The following PMPCA variants were observed in gnomAD, a reference collection of about 807,000 sequenced individuals.
The protein encoded by PMPCA is mitochondrial-processing peptidase subunit alpha.
In PMPCA, 47 loss-of-function variants were observed where a neutral mutation model predicts 59.3. That is an observed-to-expected ratio of 0.79 (90% confidence interval 0.63 to 1.01). The LOEUF is 1.01. PMPCA is among the 50% of genes least tolerant of loss of function. The pLI is 0.00. For missense variants in PMPCA, 726 were observed against 704.5 expected (o/e 1.03, Z -0.34); for synonymous variants, 338 against 290.3 (o/e 1.16, Z -1.67).
intron 12 of PMPCA, 195 bp downstream of exon 12, chr9:136,422,171 G>T: frequency 6.6e-7 from 1 of 1,525,642 alleles, no homozygotes. Flanking sequence ...CTCACTTCCC[G>T]GCCCCACCAT....
At chr9:136,418,786 T>C in intron 9 of PMPCA, 42 bp from the exon 10 acceptor site, 3 of 1,544,094 alleles carry the variant, frequency 1.9e-6, no homozygotes, top group Admixed American at 1.7e-5. Flanking sequence ...GGCCTGATCC[T>C]GGCGAGTCCC....
chr9:136,421,997 G>A, intron 12 of PMPCA, 21 bp downstream of exon 12: 1 of 1,596,384 alleles, frequency 6.3e-7, no homozygotes, highest in Non-Finnish European at 8.5e-7. Context: ...CAGGGGTAGT[G>A]AGGGGCTGCC....
At chr9:136,418,137 G>T (rs751800348) in intron 8 of PMPCA, 28 bp downstream of exon 8, 1 of 1,496,456 alleles carries the variant, frequency 6.7e-7, no homozygotes, top group South Asian at 1.1e-5. Flanking sequence ...GTCTGATGGC[G>T]TTCCTGATGC....
At position 136,418,678 on chromosome 9, in the gene PMPCA, G is replaced by A; in HGVS notation, c.1109+5G>A. Reference sequence around the variant, plus strand: ...CTACCTCAACGTGCTCAACAGGTGGGTTGCACTCTTTTCTGTATCCTCAGG... The same window carrying A: ...CTACCTCAACGTGCTCAACAGGTGGATTGCACTCTTTTCTGTATCCTCAGG... On this transcript the variant is annotated splice_donor_5th_base_variant and intron_variant, in intron 9 of 12. Transcript: ENST00000371717. The A allele has an allele frequency of 6.3e-7, 1 of 1,594,584 alleles. No individual in the cohort carries two copies. Among genetic ancestry groups the A allele is most frequent in the South Asian group, 1.1e-5 (1 of 90,698 alleles).
intron 1 of PMPCA, chr9:136,411,186 C>T (rs1237671628): frequency 1.3e-5 from 2 of 159,752 alleles, no homozygotes; most frequent in African/African-American, 4.8e-5. Context: ...CTCCTCCCAC[C>T]CAAGTGACCG....
At position 136,411,980 on chromosome 9, in the gene PMPCA, C is replaced by G. The variant is rs376933278; in HGVS notation, c.72-17C>G. The G allele has an allele frequency of 2.6e-6, 4 of 1,541,966 alleles. No individual in the cohort carries two copies. Among genetic ancestry groups the G allele is most frequent in the Non-Finnish European group, 3.6e-6 (4 of 1,117,948 alleles). ...TGTCTCAAGCCTGTTGTAACTGGGC[C>G]GCTTTCTCTGTTTTAGGTTTGGACC... On this transcript the variant is annotated splice_polypyrimidine_tract_variant and intron_variant, in intron 1 of 12. Coordinates refer to ENST00000371717, the MANE Select transcript of PMPCA (RefSeq NM_015160.3).
Position 136,421,411 on chromosome 9 carries a change from T to TGTTTTTTTG in PMPCA, c.1264-421_1264-420insGTTTTTTTG, listed in dbSNP as rs758038842. Among the ~76,000 whole-genome samples, 301 of 72,884 alleles carry TGTTTTTTTG rather than the reference T, an allele frequency of 4.1e-3. 2 individuals carry two copies. The highest frequency in any genetic ancestry group is 0.015 in the African/African-American group (261 of 17,698). The allele number at this position is 72,884 out of a possible 152,430, so 47.8% of individuals were successfully genotyped here. ...ACTTGGGCCTGGGTTCCCGTTTTTT[T>TGTTTTTTTG]TTTTTTTTTTTTTTTTGAGACAGAG... On this transcript the variant is annotated intron_variant, in intron 11 of 12. Transcript: ENST00000371717.
At chr9:136,414,160 C>T (rs113990448) in intron 4 of PMPCA, among the ~76,000 whole-genome samples, 82 of 152,334 alleles carry the variant, frequency 5.4e-4, no homozygotes, top group African/African-American at 1.9e-3. Context: ...GGATGAAACA[C>T]TTCACCTTTT....
At chr9:136,411,889 C>G in intron 1 of PMPCA, 108 bp from the exon 2 acceptor site, 2 of 709,362 alleles carry the variant, frequency 2.8e-6, no homozygotes, top group Non-Finnish European at 5.2e-6. Flanking sequence ...TGTAGAAAGG[C>G]AGATGCTCAC....
rs1835221772 is a variant in PMPCA at position 136,414,574 on chromosome 9, G to T, written c.459G>T (p.Val153=). The change falls in exon 5 of 13, where the codon GTG becomes GTT. Residue 153 remains valine, a synonymous_variant. Transcript: ENST00000371717. The stretch of plus-strand genomic sequence containing the variant: ...CCAGAGACACCACCATGTATGCTGT[G>T]TCTGCTGATAGCAAAGGCTTGGACA... ...QTSRDTTMYA[V]SADSKGLDTV... is the part of the protein sequence containing the mutation. The T allele has an allele frequency of 6.2e-7, 1 of 1,612,328 alleles. No homozygotes were observed. Among genetic ancestry groups the T allele is most frequent in the Admixed American group, 1.7e-5 (1 of 59,992 alleles).
chr9:136,410,847 T>G, intron 1 of PMPCA, 108 bp downstream of exon 1: 1 of 978,996 alleles, frequency 1.0e-6, no homozygotes, highest in Non-Finnish European at 1.4e-6. Context: ...TGGGACGGGC[T>G]CGCACTTCGG....
At chr9:136,419,384 G>GCC in intron 11 of PMPCA, 2 of 548,836 alleles carry the variant, frequency 3.6e-6, no homozygotes, top group Non-Finnish European at 6.6e-6. Flanking sequence ...CTTTCTCTGA[G>GCC]CCACTGGGTG....
intron 1 of PMPCA, 91 bp from the exon 2 acceptor site, chr9:136,411,906 C>G: frequency 2.6e-6 from 2 of 769,758 alleles, no homozygotes; most frequent in South Asian, 2.9e-5. Flanking sequence ...TCACTTTTAA[C>G]CCAGACAAAA....
intron 3 of PMPCA, 97 bp downstream of exon 3, chr9:136,412,666 G>C (rs1275784695): frequency 2.5e-6 from 2 of 788,642 alleles, no homozygotes; most frequent in African/African-American, 3.5e-5. Context: ...TTATCAAGTT[G>C]CTAAGTTAAT....
rs751576922 is a variant in PMPCA at position 136,410,707 on chromosome 9, G to C, written c.39G>C (p.Arg13=). Residue 13 remains arginine, a synonymous_variant, in exon 1 of 13, where the codon CGG becomes CGC. Coordinates refer to ENST00000371717, the MANE Select transcript of PMPCA (RefSeq NM_015160.3). ...TGCTGGCGGCGACGCGGTTGCTGCGGGGCTCGGGTTCTTGGGGCTGTTCGC... is the reference window on the plus strand; with the variant it reads ...TGCTGGCGGCGACGCGGTTGCTGCGCGGCTCGGGTTCTTGGGGCTGTTCGC... ...AVVLAATRLL[R]GSGSWGCSRL... The C allele has an allele frequency of 7.0e-7, 1 of 1,422,582 alleles. No homozygotes were observed. The highest frequency in any genetic ancestry group is 9.2e-7 in the Non-Finnish European group (1 of 1,091,254). 88.1% of individuals were successfully genotyped at this position (1,422,582 alleles called of 1,614,324 possible). A position where few individuals can be genotyped will look rare whatever the true frequency, so the allele number is the denominator to read the frequency against.
rs1278719817 is a variant in PMPCA at position 136,423,014 on chromosome 9, C to T, written c.1409-81C>T. 9.3e-6 allele frequency: 14 copies of T among 1,504,498 alleles called. No homozygotes were observed. The Admixed American group carries it at 1.6e-4, about 17-fold the overall frequency. 93.2% of individuals were successfully genotyped at this position (1,504,498 alleles called of 1,614,324 possible). A position where few individuals can be genotyped will look rare whatever the true frequency, so the allele number is the denominator to read the frequency against. On this transcript the variant is annotated intron_variant, in intron 12 of 12. Transcript: ENST00000371717. ...TGAGTGAGTGGTACAGACCAGCCGC[C>T]CCCTCCGTGTGTTTACTGATGCAGC...
chr9:136,414,146 G>C (rs1389248563), intron 4 of PMPCA, among the ~76,000 whole-genome samples: 1 of 152,222 alleles, frequency 6.6e-6, no homozygotes, highest in African/African-American at 2.4e-5. Context: ...TCAACAGGAG[G>C]CTGGGATGAA....
At chr9:136,422,189 C>G in intron 12 of PMPCA, 4 of 1,510,324 alleles carry the variant, frequency 2.6e-6, no homozygotes, top group Non-Finnish European at 3.6e-6. Context: ...CATGCACCTG[C>G]TGCCTCCTTG....
chr9:136,410,858 G>T (rs1835079506), intron 1 of PMPCA, 119 bp downstream of exon 1: 2 of 845,968 alleles, frequency 2.4e-6, no homozygotes, highest in Non-Finnish European at 3.2e-6. Context: ...CGCACTTCGG[G>T]ACACTGGTGT....
Sources: gnomAD v4.1 joint callset for allele counts (sites outside exome capture counted in the v4.1 genomes callset) on GRCh38, gnomAD v4.1.1 for gene constraint, MANE v1.5 for transcripts, NCBI Gene and HGNC (gene_info 2026-07-23, HGNC 2026-07-21) for gene names.